Variants in NUP107 observed in about 807,000 individuals in gnomAD.
NUP107 encodes nucleoporin 107, also known as nuclear pore complex protein Nup107.
A neutral mutation model predicts 141.0 loss-of-function variants in NUP107; 101 were observed. The ratio of observed to expected loss-of-function variants is 0.72; its 90% CI spans 0.61 to 0.84. NUP107 has a LOEUF of 0.84. NUP107 is among the 40% of genes least tolerant of loss of function. The probability of loss-of-function intolerance (pLI) is 0.00; values close to 1 mark genes in which losing one functional copy is unlikely to be tolerated. For synonymous variants in NUP107, 319 were observed against 363.9 expected, an observed-to-expected ratio of 0.88 and a Z score of 1.41; for missense variants, 941 against 1,102.7, an observed-to-expected ratio of 0.85 and a Z score of 2.08.
intron 12 of NUP107, among the ~76,000 whole-genome samples, chr12:68,718,870 GTATGTATGTATGTATGTATGTATT>G (rs1331813945): frequency 1.4e-4 from 22 of 151,830 alleles, no homozygotes; most frequent in African/African-American, 4.1e-4. Context: ...ATGTATGTAT[GTATGTATGTATGTATGTATGTATT>G]TATTTAGTTT....
At chr12:68,692,528 G>A (rs1875854203) in intron 5 of NUP107, among the ~76,000 whole-genome samples, 1 of 150,942 alleles carries the variant, frequency 6.6e-6, no homozygotes, top group Admixed American at 6.6e-5. Context: ...GCAGTGAGCT[G>A]AGATCGCACC....
intron 5 of NUP107, 106 bp downstream of exon 5, chr12:68,692,218 T>G (rs1875833368): frequency 2.5e-6 from 3 of 1,203,506 alleles, no homozygotes; most frequent in South Asian, 3.4e-5. Flanking sequence ...TTTTCTTTCT[T>G]TCTGTCTTTT....
In NUP107 at chr12:68,719,570, T is replaced by G; in HGVS notation, c.1175-8T>G. The G allele has an allele frequency of 6.2e-7, 1 of 1,606,230 alleles. No individual in the cohort carries two copies. The highest frequency in any genetic ancestry group is 1.7e-4 in the Middle Eastern group (1 of 6,032). On this transcript the variant is annotated splice_region_variant and splice_polypyrimidine_tract_variant and intron_variant, in intron 13 of 27. Coordinates refer to ENST00000229179, the MANE Select transcript of NUP107 (RefSeq NM_020401.4). ...TTAAACCAGAAATTTTCTTTTGCTA[T>G]TTTATAGGAACAGAATTAGAACCTG...
chr12:68,728,333 T>A (rs987662320), intron 20 of NUP107, among the ~76,000 whole-genome samples: 1 of 149,366 alleles, frequency 6.7e-6, no homozygotes, highest in African/African-American at 2.5e-5. Flanking sequence ...GGCTTGCGCC[T>A]GTAATCCCAG....
chr12:68,699,426 GAA>G (rs1411130455), intron 6 of NUP107, among the ~76,000 whole-genome samples: 3 of 152,074 alleles, frequency 2.0e-5, no homozygotes, highest in Non-Finnish European at 2.9e-5. Flanking sequence ...TTAGAAAGAG[GAA>G]AAGACTTCAA....
intron 22 of NUP107, among the ~76,000 whole-genome samples, chr12:68,732,234 C>A (rs1877860624): frequency 6.6e-6 from 1 of 152,210 alleles, no homozygotes; most frequent in African/African-American, 2.4e-5. Context: ...GCCTTCTAGG[C>A]TCAAGCCACC....
At position 68,733,557 on chromosome 12, in the gene NUP107, T is replaced by A. The variant is rs1293084072; in HGVS notation, c.2207T>A (p.Leu736His). The change falls in exon 24 of 28, where the codon CTT becomes CAT. Residue 736 changes from leucine (L) to histidine (H), a missense_variant. By Grantham distance (99) the Leu-to-His change is moderately conservative. Transcript: ENST00000229179. ...QCEEQGMESP[L>H]PAEDDNAIRE... Reference sequence around the variant, plus strand: ...GAGGAACAAGGAATGGAAAGTCCACTTCCTGCTGAAGATGATAATGCTATC... The same window carrying A: ...GAGGAACAAGGAATGGAAAGTCCACATCCTGCTGAAGATGATAATGCTATC... The A allele has an allele frequency of 1.2e-6, 2 of 1,613,170 alleles. No homozygotes were observed. The highest frequency in any genetic ancestry group is 3.3e-5 in the Admixed American group (2 of 59,948).
chr12:68,732,471 T>A, intron 22 of NUP107, 166 bp from the exon 23 acceptor site: 1 of 493,014 alleles, frequency 2.0e-6, no homozygotes. Flanking sequence ...CTGTTAAATA[T>A]GAAAATACAC....
chr12:68,730,272 G>A (rs1160199638), intron 20 of NUP107, among the ~76,000 whole-genome samples: 1 of 138,692 alleles, frequency 7.2e-6, no homozygotes, highest in East Asian at 2.2e-4. Context: ...GGAATGTGGA[G>A]TGTGGTGGAA....
At chr12:68,731,584 TG>T in intron 21 of NUP107, 22 bp from the exon 22 acceptor site, 1 of 1,405,018 alleles carries the variant, frequency 7.1e-7, no homozygotes, top group Admixed American at 2.4e-5. Flanking sequence ...CTTTGTTTTT[TG>T]TCGCTTCAAA....
At chr12:68,695,523 G>A (rs1876008655) in intron 5 of NUP107, among the ~76,000 whole-genome samples, 1 of 152,142 alleles carries the variant, frequency 6.6e-6, no homozygotes, top group Non-Finnish European at 1.5e-5. Context: ...TCACAAAAGG[G>A]CAATACTCTA....
chr12:68,689,671 A>C, intron 3 of NUP107, 52 bp downstream of exon 3: 1 of 1,083,528 alleles, frequency 9.2e-7, no homozygotes, highest in African/African-American at 1.6e-5. Flanking sequence ...TTATAATAGC[A>C]ACTAACATTT....
rs533290004 is a variant in NUP107, at chr12:68,743,759, T to A, written c.*1297T>A. ...TATAGATGCCACCCCTAGAGACAGC[T>A]GGCTTGGGAAGCCTGAGATGGGATC... On this transcript the variant is annotated 3_prime_UTR_variant, in exon 28 of 28. Coordinates refer to ENST00000229179, the MANE Select transcript of NUP107 (RefSeq NM_020401.4). 5.3e-5 allele frequency: 8 copies of A among 152,356 alleles called. No individual in the cohort carries two copies. The allele number at this position is 152,356 out of a possible 1,614,324, so 9.4% of individuals were successfully genotyped here. A position where few individuals can be genotyped will look rare whatever the true frequency, so the allele number is the denominator to read the frequency against.
At chr12:68,713,890 T>C in intron 11 of NUP107, 82 bp downstream of exon 11, 1 of 1,096,556 alleles carries the variant, frequency 9.1e-7, no homozygotes, top group Non-Finnish European at 1.4e-6. Flanking sequence ...TCGTGGATCT[T>C]TGTTTTGCTC....
chr12:68,687,013 C>T lies in NUP107; in HGVS notation c.-53C>T, dbSNP rs988701542. The T allele has an allele frequency of 5.0e-6, 8 of 1,613,466 alleles. No individual in the cohort carries two copies. Among genetic ancestry groups the T allele is most frequent in the African/African-American group, 2.7e-5 (2 of 75,050 alleles). ...CTTCCGGAGAGCGGGAAGGCTAAAA[C>T]GCGGTAGCTAAACTGCAGCCAACTT... On this transcript the variant is annotated 5_prime_UTR_variant, in exon 1 of 28. In the 5' UTR this introduces an upstream ATG that the reference lacks. Transcript: ENST00000229179.
chr12:68,688,860 C>A, intron 1 of NUP107, 102 bp from the exon 2 acceptor site: 3 of 772,144 alleles, frequency 3.9e-6, no homozygotes, highest in South Asian at 3.8e-5. Flanking sequence ...AATGACTATA[C>A]CTTAACTTAC....
chr12:68,708,001 G>C (rs1201801925), intron 8 of NUP107, among the ~76,000 whole-genome samples: 2 of 151,928 alleles, frequency 1.3e-5, no homozygotes, highest in Non-Finnish European at 2.9e-5. Flanking sequence ...TGAGGCATGA[G>C]AATCACTTGA....
intron 5 of NUP107, among the ~76,000 whole-genome samples, chr12:68,695,618 G>A (rs1254542779): frequency 2.6e-5 from 4 of 152,238 alleles, no homozygotes; most frequent in African/African-American, 4.8e-5. Context: ...GCTGGGGTAA[G>A]TGGAGAGTGG....
intron 17 of NUP107, among the ~76,000 whole-genome samples, chr12:68,724,374 A>G (rs895210555): frequency 6.6e-6 from 1 of 152,196 alleles, no homozygotes; most frequent in African/African-American, 2.4e-5. Flanking sequence ...CATTTAATAT[A>G]AATGTCACTC....
Sources: gnomAD v4.1 joint callset for allele counts (sites outside exome capture counted in the v4.1 genomes callset) on GRCh38, gnomAD v4.1.1 for gene constraint, MANE v1.5 for transcripts, NCBI Gene and HGNC (gene_info 2026-07-23, HGNC 2026-07-21) for gene names.